The following DMD variants were observed in gnomAD, a reference collection of about 807,000 sequenced individuals.
DMD encodes the protein dystrophin.
A neutral mutation model predicts 330.1 loss-of-function variants in DMD; 63 were observed. The observed-to-expected ratio is 0.19, with a 90% confidence interval of 0.16 to 0.24. DMD has a LOEUF of 0.24. Ranked by LOEUF, DMD falls within the 10% of genes least tolerant of loss-of-function variation. The probability of loss-of-function intolerance (pLI) is 1.00; values close to 1 mark genes in which losing one functional copy is unlikely to be tolerated. For synonymous variants in DMD, 1,223 were observed against 959.8 expected (o/e 1.27, Z -5.07); for missense variants, 3,344 against 2,684.1 (o/e 1.25, Z -5.43).
chrX:31,761,086 C>T lies in DMD; in HGVS notation c.7542+12874G>A, dbSNP rs189702190. Among the ~76,000 whole-genome samples the T allele has an allele frequency of 3.4e-3, 370 of 109,524 alleles. 2 individuals carry two copies. The highest frequency in any genetic ancestry group is 9.5e-3 in the South Asian group (24 of 2,515). On this transcript the variant is annotated intron_variant, in intron 51 of 78. Transcript: ENST00000357033. ...ATTTTTAGTAGAGACGTGGTTTCAC[C>T]GTGTTAGCCAGGATGGTCTCAATCT...
intron 2 of DMD, among the ~76,000 whole-genome samples, chrX:32,880,284 CA>C (rs35737187): frequency 0.044 from 3,690 of 84,811 alleles, 69 homozygotes; most frequent in Non-Finnish European, 0.067. Flanking sequence ...CCAACAGGGC[CA>C]AAAAAAAAAA....
chrX:32,199,830 T>TGTA (rs2097025736), intron 44 of DMD, among the ~76,000 whole-genome samples: 9 of 66,218 alleles, frequency 1.4e-4, no homozygotes, highest in African/African-American at 5.3e-4. Context: ...GTGTGTGTAT[T>TGTA]TTTAGTAGAG....
chrX:31,664,502 C>T (rs760980859), intron 53 of DMD, among the ~76,000 whole-genome samples: 22 of 100,199 alleles, frequency 2.2e-4, no homozygotes, highest in African/African-American at 7.9e-4. Flanking sequence ...CTCTTTTGGT[C>T]GCCTCTGTAT....
chrX:32,565,284 C>T (rs2051557797), intron 16 of DMD, among the ~76,000 whole-genome samples: 1 of 111,824 alleles, frequency 8.9e-6, no homozygotes, highest in African/African-American at 3.2e-5. Context: ...AACCCTAGTT[C>T]TCCTACCACT....
rs1352069437 is a variant in DMD at position 32,879,021 on chromosome X, A to AAAAAAAAAAAAAAAAAC, written c.94-29202_94-29201insGTTTTTTTTTTTTTTTT. Among the ~76,000 whole-genome samples, 5 of 101,740 alleles carry AAAAAAAAAAAAAAAAAC rather than the reference A, an allele frequency of 4.9e-5. 1 individual carries two copies. The highest frequency in any genetic ancestry group is 1.4e-4 in the African/African-American group (4 of 28,259). 88.3% of individuals were successfully genotyped at this position (101,740 alleles called of 115,157 possible). A position where few individuals can be genotyped will look rare whatever the true frequency, so the allele number is the denominator to read the frequency against. ...AGACTACGTCTCAAAAAAAAAACAA[A>AAAAAAAAAAAAAAAAAC]AAACAAAAAACAAACAAAAAAAAAA... On this transcript the variant is annotated intron_variant, in intron 2 of 78. Coordinates refer to ENST00000357033, the MANE Select transcript of DMD (RefSeq NM_004006.3).
intron 76 of DMD, among the ~76,000 whole-genome samples, chrX:31,135,914 C>A (rs928614281): frequency 4.4e-4 from 49 of 111,886 alleles, no homozygotes; most frequent in African/African-American, 1.6e-3. Context: ...AAGCCAGTGA[C>A]TAAATGACTT....
At chrX:32,750,413 A>T (rs1322554719) in intron 7 of DMD, among the ~76,000 whole-genome samples, 1 of 112,192 alleles carries the variant, frequency 8.9e-6, no homozygotes, top group Admixed American at 9.5e-5. Flanking sequence ...TTTTAGAAGT[A>T]AATCAAGAAA....
chrX:33,316,919 A>G (rs921197392), intron 1 of DMD, among the ~76,000 whole-genome samples: 1 of 111,176 alleles, frequency 9.0e-6, no homozygotes, highest in African/African-American at 3.3e-5. Flanking sequence ...TTTTCAGGAT[A>G]TATATCTCAT....
At chrX:32,456,111 A>G (rs1399600360) in intron 25 of DMD, among the ~76,000 whole-genome samples, 1 of 111,023 alleles carries the variant, frequency 9.0e-6, no homozygotes, top group African/African-American at 3.3e-5. Flanking sequence ...TTAATATATA[A>G]TGCACAGTTT....
intron 7 of DMD, among the ~76,000 whole-genome samples, chrX:32,744,419 A>AAGG (rs2069712653): frequency 1.8e-5 from 2 of 110,824 alleles, no homozygotes; most frequent in African/African-American, 6.6e-5. Flanking sequence ...CATAAGGCAT[A>AAGG]TTCTCTCATG....
Position 32,427,931 on chromosome X carries a change from ATATAT to A in DMD, c.4071+10305_4071+10309del, listed in dbSNP as rs1399615320. Among the ~76,000 whole-genome samples the A allele has an allele frequency of 3.6e-5, 4 of 111,617 alleles. No individual in the cohort carries two copies. The East Asian group carries it at 1.1e-3, about 31-fold the overall frequency. ...TTTTAGTATTTTCTGTATTTTAAAA[ATATAT>A]TATAACTGTAGTTATAACATTTTCA... is the stretch of plus-strand genomic sequence containing the variant. On this transcript the variant is annotated intron_variant, in intron 29 of 78. Coordinates refer to ENST00000357033, the MANE Select transcript of DMD (RefSeq NM_004006.3).
chrX:32,806,142 T>C (rs778857669), intron 7 of DMD, among the ~76,000 whole-genome samples: 5 of 111,568 alleles, frequency 4.5e-5, no homozygotes, highest in East Asian at 2.9e-4. Flanking sequence ...GACTGGCAAA[T>C]TGGATGAAGA....
chrX:32,780,038 A>G (rs1487577335), intron 7 of DMD, among the ~76,000 whole-genome samples: 1 of 111,806 alleles, frequency 8.9e-6, no homozygotes. Context: ...CATAGAAATC[A>G]TGATCTGTGT....
chrX:32,419,502 G>T (rs1296854060), intron 29 of DMD, among the ~76,000 whole-genome samples: 5 of 111,937 alleles, frequency 4.5e-5, no homozygotes, highest in Non-Finnish European at 1.9e-5. Context: ...TATTTAATAG[G>T]GATATAGGCG....
At chrX:32,776,134 C>T (rs781090658) in intron 7 of DMD, among the ~76,000 whole-genome samples, 1 of 111,640 alleles carries the variant, frequency 9.0e-6, no homozygotes, top group Non-Finnish European at 1.9e-5. Flanking sequence ...GTCACTTTTA[C>T]TCCAGTTCCC....
chrX:32,394,927 A>AAG (rs1569560912), intron 30 of DMD, among the ~76,000 whole-genome samples: 2,190 of 90,778 alleles, frequency 0.024, 90 homozygotes, highest in African/African-American at 0.08. Flanking sequence ...AAAAAAAAAA[A>AAG]AAAAAAGAAA....
Position 32,299,727 on chromosome X carries a change from A to AAT in DMD, c.6117+10353_6117+10354dup, listed in dbSNP as rs761383246. On this transcript the variant is annotated intron_variant, in intron 42 of 78. Coordinates refer to ENST00000357033, the MANE Select transcript of DMD (RefSeq NM_004006.3). ...CGTTTCTCCATCTGAGTATGGGTATAATAATACAGCCTTCCTTGTAGGGCT... is the reference window on the plus strand; with the variant it reads ...CGTTTCTCCATCTGAGTATGGGTATAATATAATACAGCCTTCCTTGTAGGGCT... Among the ~76,000 whole-genome samples the AAT allele has an allele frequency of 6.7e-4, 74 of 111,060 alleles. No individual in the cohort carries two copies. The East Asian group carries it at 0.021, about 31-fold the overall frequency.
intron 44 of DMD, among the ~76,000 whole-genome samples, chrX:32,189,925 A>G (rs143695632): frequency 0.018 from 1,992 of 111,226 alleles, 51 homozygotes; most frequent in African/African-American, 0.062. Context: ...ACATGTGCAC[A>G]ACATGCAGGC....
chrX:31,827,964 GAA>G (rs2092927285), intron 49 of DMD, among the ~76,000 whole-genome samples: 1 of 111,927 alleles, frequency 8.9e-6, no homozygotes, highest in African/African-American at 3.2e-5. Context: ...CAAAAATTCT[GAA>G]AGAGCACAAA....
Sources: allele counts gnomAD v4.1 joint callset (sites outside exome capture counted in the v4.1 genomes callset), GRCh38; gene constraint gnomAD v4.1.1; transcripts MANE v1.5; gene names NCBI Gene and HGNC (gene_info 2026-07-23, HGNC 2026-07-21).